Variants in STRADA observed in about 807,000 individuals in gnomAD.
The protein encoded by STRADA is STE20-related kinase adapter protein alpha.
STRADA carries 26 observed loss-of-function variants against 55.0 expected under a neutral mutation model. The observed-to-expected ratio is 0.47, with a 90% confidence interval of 0.35 to 0.66. The LOEUF is 0.66. Ranked by LOEUF, STRADA falls within the 30% of genes least tolerant of loss-of-function variation. STRADA has a pLI of 0.01. For synonymous variants in STRADA, 197 were observed against 210.9 expected, an observed-to-expected ratio of 0.93 and a Z score of 0.57; for missense variants, 443 against 549.7, an observed-to-expected ratio of 0.81 and a Z score of 1.94.
chr17:63,719,771 A>G (rs1259321697), intron 4 of STRADA, among the ~76,000 whole-genome samples: 1 of 152,146 alleles, frequency 6.6e-6, no homozygotes, highest in Non-Finnish European at 1.5e-5. Context: ...GGCGTGAGCC[A>G]TGGCGCCCGG....
At chr17:63,740,928 G>A (rs148695686) in intron 1 of STRADA, among the ~76,000 whole-genome samples, 6 of 152,222 alleles carry the variant, frequency 3.9e-5, no homozygotes, top group Admixed American at 6.5e-5. Context: ...TAACTCTCAG[G>A]GACAAGAAAC....
intron 3 of STRADA, 155 bp from the exon 4 acceptor site, chr17:63,723,481 A>T: frequency 1.4e-6 from 1 of 721,142 alleles, no homozygotes; most frequent in South Asian, 1.7e-5. Flanking sequence ...ACATATAAAC[A>T]CACACAGATC....
intron 4 of STRADA, among the ~76,000 whole-genome samples, chr17:63,719,824 C>A (rs976765728): frequency 1.3e-5 from 2 of 151,978 alleles, no homozygotes; most frequent in East Asian, 1.9e-4. Context: ...CCTTGTCAGG[C>A]GTGCATATAA....
chr17:63,703,489 T>C lies in STRADA; in HGVS notation c.*110A>G. 3.8e-6 allele frequency: 4 copies of C among 1,060,096 alleles called. No individual in the cohort carries two copies. Among genetic ancestry groups the C allele is most frequent in the Non-Finnish European group, 5.4e-6 (4 of 742,570 alleles). 65.7% of individuals were successfully genotyped at this position (1,060,096 alleles called of 1,614,324 possible). On this transcript the variant is annotated 3_prime_UTR_variant, in exon 13 of 13. Coordinates refer to ENST00000336174, the MANE Select transcript of STRADA (RefSeq NM_001003787.4). ...AGCAGTCAACTTTCCTGGAAGAATGTCCTTTCTACCCAATCTGCCCAGGAG... is the reference window on the plus strand; with the variant it reads ...AGCAGTCAACTTTCCTGGAAGAATGCCCTTTCTACCCAATCTGCCCAGGAG...
At position 63,708,581 on chromosome 17, in the gene STRADA, C is replaced by T. The variant is rs151299701; in HGVS notation, c.582-1163G>A. ...AGCTTATTTAGCTCTGTCATCCAGG[C>T]TGGAGTGCAATGGCACGATCTCAGC... On this transcript the variant is annotated intron_variant, in intron 8 of 12. Coordinates refer to ENST00000336174, the MANE Select transcript of STRADA (RefSeq NM_001003787.4). Among the ~76,000 whole-genome samples the T allele has an allele frequency of 1.8e-4, 28 of 152,332 alleles. No individual in the cohort carries two copies. In the East Asian group the frequency reaches 5.0e-3, roughly 27 times the overall value.
intron 1 of STRADA, among the ~76,000 whole-genome samples, chr17:63,728,939 G>T (rs1209982202): frequency 2.3e-5 from 3 of 132,082 alleles, no homozygotes; most frequent in Non-Finnish European, 5.0e-5. Context: ...AGAGAAATTT[G>T]TCATTATATG....
At chr17:63,710,240 T>C in intron 8 of STRADA, 1 of 407,444 alleles carries the variant, frequency 2.5e-6, no homozygotes, top group Non-Finnish European at 4.4e-6. Context: ...GGTTTCACTA[T>C]GTTGGCCAGG....
intron 10 of STRADA, chr17:63,705,036 C>T: frequency 2.2e-6 from 2 of 915,514 alleles, no homozygotes; most frequent in Non-Finnish European, 3.4e-6. Context: ...TGCAGCAGGC[C>T]ACACGGGAGC....
intron 1 of STRADA, among the ~76,000 whole-genome samples, chr17:63,733,654 T>C (rs1362286301): frequency 6.6e-6 from 1 of 152,234 alleles, no homozygotes. Flanking sequence ...ACTTGGATTT[T>C]GAGAGATTTC....
chr17:63,717,803 G>C (rs1161918348), intron 4 of STRADA, among the ~76,000 whole-genome samples: 5 of 152,088 alleles, frequency 3.3e-5, no homozygotes, highest in South Asian at 2.1e-4. Context: ...GTAGAGACAG[G>C]GTTTCACCAT....
At chr17:63,740,405 G>A (rs993766074) in intron 1 of STRADA, among the ~76,000 whole-genome samples, 4 of 151,708 alleles carry the variant, frequency 2.6e-5, no homozygotes, top group Non-Finnish European at 4.4e-5. Flanking sequence ...CCAGCTACTC[G>A]GAAGGCTGAG....
chr17:63,733,540 T>C (rs1036171354), intron 1 of STRADA, among the ~76,000 whole-genome samples: 1 of 152,192 alleles, frequency 6.6e-6, no homozygotes, highest in African/African-American at 2.4e-5. Flanking sequence ...AGAAATAGTA[T>C]TTACAGACTG....
intron 3 of STRADA, chr17:63,724,089 A>C (rs569345890): frequency 6.6e-6 from 1 of 152,096 alleles, no homozygotes; most frequent in African/African-American, 2.4e-5. Context: ...TAAACTACAA[A>C]ATCAGAAAAG....
chr17:63,718,793 A>G (rs931199077), intron 4 of STRADA: 15 of 152,270 alleles, frequency 9.9e-5, no homozygotes, highest in African/African-American at 3.6e-4. Flanking sequence ...TACCTCCTCA[A>G]CATCACTGAT....
Position 63,706,658 on chromosome 17 carries a change from A to G in STRADA, c.835T>C (p.Phe279Leu). 6.2e-7 allele frequency: 1 copy of G among 1,613,860 alleles called. No homozygotes were observed. Among genetic ancestry groups the G allele is most frequent in the Non-Finnish European group, 8.5e-7 (1 of 1,179,776 alleles). Residue 279 changes from phenylalanine (F) to leucine (L), a missense_variant, in exon 10 of 13, where the codon TTT becomes CTT. By Grantham distance (22) the Phe-to-Leu change is conservative. Coordinates refer to ENST00000336174, the MANE Select transcript of STRADA (RefSeq NM_001003787.4). Reference sequence around the variant, plus strand: ...ACCTGGGTGGCAGGCATATCCTTAAAGGGGACATGGCCGTTGGCCAGTTCA... The same window carrying G: ...ACCTGGGTGGCAGGCATATCCTTAAGGGGGACATGGCCGTTGGCCAGTTCA... The part of the protein sequence containing the change: ...ACELANGHVP[F>L]KDMPATQMLL...
intron 9 of STRADA, 71 bp from the exon 10 acceptor site, chr17:63,706,810 G>C: frequency 3.3e-6 from 4 of 1,223,140 alleles, no homozygotes; most frequent in Non-Finnish European, 4.8e-6. Context: ...TAGAACTAAA[G>C]AGAGGAAAAG....
chr17:63,727,582 T>TTC (rs2037745078), intron 2 of STRADA: 1 of 152,250 alleles, frequency 6.6e-6, no homozygotes, highest in African/African-American at 2.4e-5. Context: ...ATTGGAACTA[T>TTC]AGCATCTTCT....
intron 6 of STRADA, among the ~76,000 whole-genome samples, chr17:63,712,165 A>G (rs944101670): frequency 5.9e-5 from 9 of 152,282 alleles, no homozygotes; most frequent in African/African-American, 1.7e-4. Context: ...CTAAGCTGGC[A>G]TCAGGAAAGG....
At chr17:63,704,620 T>TC (rs2035951627) in intron 10 of STRADA, 38 bp from the exon 11 acceptor site, 8 of 1,214,038 alleles carry the variant, frequency 6.6e-6, no homozygotes, top group Middle Eastern at 2.7e-4. Context: ...CTGTAGCGGG[T>TC]GGGGGGGGGG....
Sources: gnomAD v4.1 joint callset for allele counts (sites outside exome capture counted in the v4.1 genomes callset) on GRCh38, gnomAD v4.1.1 for gene constraint, MANE v1.5 for transcripts, NCBI Gene and HGNC (gene_info 2026-07-23, HGNC 2026-07-21) for gene names.